CEACAM6: variants seen among roughly 807,000 people sequenced by gnomAD.
CEACAM6 encodes cell adhesion molecule CEACAM6.
Under a neutral mutation model 32.4 loss-of-function variants are expected in CEACAM6, and 21 were observed. That is an observed-to-expected ratio of 0.65 (90% CI 0.46 to 0.93). The LOEUF is 0.93. CEACAM6 is among the 40% of genes least tolerant of loss of function. CEACAM6 has a pLI of 0.00. For missense variants in CEACAM6, 406 were observed against 432.2 expected, an observed-to-expected ratio of 0.94 and a Z score of 0.54; for synonymous variants, 184 against 174.4, an observed-to-expected ratio of 1.06 and a Z score of -0.43.
intron 5 of CEACAM6, among the ~76,000 whole-genome samples, chr19:41,768,307 G>C (rs1035200344): frequency 7.9e-5 from 12 of 152,134 alleles, no homozygotes; most frequent in African/African-American, 2.7e-4. Context: ...GACTCTTAAC[G>C]AGCATGCTGC....
In CEACAM6 at chr19:41,761,298, G is replaced by C. The variant is rs576685461; in HGVS notation, c.474G>C (p.Glu158Asp). 13 of 1,614,196 alleles carry C rather than the reference G, an allele frequency of 8.1e-6. No individual in the cohort carries two copies. In the African/African-American group the frequency reaches 1.5e-4, roughly 18 times the overall value. The part of the protein sequence containing the change: ...SISSNNSNPV[E>D]DKDAVAFTCE... ...CCAGCAACAACTCCAACCCCGTGGA[G>C]GACAAGGATGCTGTGGCCTTCACCT... The change falls in exon 3 of 6, where the codon GAG becomes GAC. Residue 158 changes from glutamate (E) to aspartate (D), a missense_variant. Physicochemically the swap from Glu to Asp is conservative, Grantham distance 45. Transcript: ENST00000199764.
chr19:41,759,614 C>T (rs572637675), intron 2 of CEACAM6, among the ~76,000 whole-genome samples: 4 of 152,104 alleles, frequency 2.6e-5, no homozygotes, highest in Non-Finnish European at 4.4e-5. Context: ...CTTCATTTGA[C>T]GACAATATGA....
chr19:41,759,241 A>G (rs2072908367), intron 2 of CEACAM6, among the ~76,000 whole-genome samples: 2 of 152,204 alleles, frequency 1.3e-5, no homozygotes, highest in Non-Finnish European at 2.9e-5. Flanking sequence ...TGCCATTGTC[A>G]TAAGGTGGGG....
chr19:41,762,703 G>T (rs2072933950), intron 4 of CEACAM6, among the ~76,000 whole-genome samples: 2 of 152,164 alleles, frequency 1.3e-5, no homozygotes, highest in Non-Finnish European at 2.9e-5. Context: ...GAGCAGCTCA[G>T]ACTCTGCCCC....
At chr19:41,762,752 C>T (rs2072934381) in intron 4 of CEACAM6, among the ~76,000 whole-genome samples, 1 of 152,210 alleles carries the variant, frequency 6.6e-6, no homozygotes, top group Non-Finnish European at 1.5e-5. Context: ...TGACTGACCC[C>T]ACCCTGAAGC....
Position 41,755,591 on chromosome 19 carries a change from AG to A in CEACAM6, c.-47del. On this transcript the variant is annotated 5_prime_UTR_variant, in exon 1 of 6. Transcript: ENST00000199764. The stretch of plus-strand genomic sequence containing the variant: ...GCAGCCCTGACCAGAGCATTCCTGG[AG>A]CTCAAGCTCCTCTACAAAGAGGTGG... The A allele has an allele frequency of 6.3e-7, 1 of 1,579,162 alleles. No individual in the cohort carries two copies. Among genetic ancestry groups the A allele is most frequent in the African/African-American group, 1.3e-5 (1 of 74,190 alleles).
At chr19:41,770,568 GA>G (rs1414000430) in intron 5 of CEACAM6, among the ~76,000 whole-genome samples, 7 of 145,770 alleles carry the variant, frequency 4.8e-5, no homozygotes, top group East Asian at 3.9e-4. Context: ...GTCTCAAAAG[GA>G]AAAAAAAAAG....
chr19:41,764,684 A>G (rs2072946866), intron 4 of CEACAM6, among the ~76,000 whole-genome samples: 1 of 152,138 alleles, frequency 6.6e-6, no homozygotes, highest in Non-Finnish European at 1.5e-5. Flanking sequence ...TTGAAGAACC[A>G]ACTTTTGGTT....
rs549029277 is a variant in CEACAM6 at position 41,759,443 on chromosome 19, T to G, written c.425-1806T>G. Among the ~76,000 whole-genome samples, 3 of 152,342 alleles carry G rather than the reference T, an allele frequency of 2.0e-5. No homozygotes were observed. The South Asian group carries it at 6.2e-4, about 32-fold the overall frequency. The stretch of plus-strand genomic sequence containing the variant: ...TAGGGGCAGGGAGCTCTTTCTAAAT[T>G]TACTAACATAACACACGTTGCTTCT... On this transcript the variant is annotated intron_variant, in intron 2 of 5. Coordinates refer to ENST00000199764, the MANE Select transcript of CEACAM6 (RefSeq NM_002483.7).
chr19:41,765,742 G>C (rs1344413856), intron 4 of CEACAM6, among the ~76,000 whole-genome samples: 1 of 152,158 alleles, frequency 6.6e-6, no homozygotes, highest in Non-Finnish European at 1.5e-5. Context: ...TCCCCTGGTG[G>C]GAGCCCATGG....
chr19:41,759,376 CTGTT>C (rs782454587), intron 2 of CEACAM6, among the ~76,000 whole-genome samples: 3 of 152,208 alleles, frequency 2.0e-5, no homozygotes, highest in Non-Finnish European at 4.4e-5. Context: ...TTTCACATGA[CTGTT>C]TGGGGCTCCT....
At chr19:41,765,586 G>A (rs2072951211) in intron 4 of CEACAM6, among the ~76,000 whole-genome samples, 1 of 152,234 alleles carries the variant, frequency 6.6e-6, no homozygotes, top group Admixed American at 6.5e-5. Context: ...CCACGATGCA[G>A]ATCTCATTCC....
chr19:41,757,072 G>C, intron 2 of CEACAM6, 113 bp downstream of exon 2: 1 of 1,504,814 alleles, frequency 6.6e-7, no homozygotes, highest in Non-Finnish European at 8.9e-7. Context: ...TCCTGTATCA[G>C]GGTTTGGACA....
intron 4 of CEACAM6, 98 bp from the exon 5 acceptor site, chr19:41,766,085 A>G (rs1476844748): frequency 3.2e-5 from 24 of 759,706 alleles, no homozygotes; most frequent in Non-Finnish European, 2.9e-5. Context: ...GTATTCCTTG[A>G]AGGAACAAGT....
At chr19:41,767,700 G>A (rs997928936) in intron 5 of CEACAM6, among the ~76,000 whole-genome samples, 1 of 152,112 alleles carries the variant, frequency 6.6e-6, no homozygotes, top group Non-Finnish European at 1.5e-5. Flanking sequence ...TGTTCTAATA[G>A]GTAGGACTTG....
chr19:41,756,886 A>G lies in CEACAM6; in HGVS notation c.351A>G (p.Thr117=). The G allele has an allele frequency of 6.2e-7, 1 of 1,614,184 alleles. No homozygotes were observed. The highest frequency in any genetic ancestry group is 1.3e-5 in the African/African-American group (1 of 75,036). Residue 117 remains threonine, a synonymous_variant, in exon 2 of 6, where the codon ACA becomes ACG. Coordinates refer to ENST00000199764, the MANE Select transcript of CEACAM6 (RefSeq NM_002483.7). The part of the protein sequence containing the change: ...LLIQNVTQND[T]GFYTLQVIKS... ...TCCAGAACGTCACCCAGAATGACAC[A>G]GGATTCTATACCCTACAAGTCATAA... is the stretch of plus-strand genomic sequence containing the variant.
Position 41,761,441 on chromosome 19 carries a change from A to G in CEACAM6, c.617A>G (p.Lys206Arg). 1 of 1,614,232 alleles carries G rather than the reference A, an allele frequency of 6.2e-7. No homozygotes were observed. Among genetic ancestry groups the G allele is most frequent in the Non-Finnish European group, 8.5e-7 (1 of 1,180,044 alleles). ...ATGACCCTCACTCTACTCAGCGTCA[A>G]AAGGAACGATGCAGGATCCTATGAA... ...GNMTLTLLSV[K>R]RNDAGSYECE... The change falls in exon 3 of 6, where the codon AAA (lysine) becomes AGA (arginine). Residue 206 changes from lysine to arginine, a missense_variant. By Grantham distance (26) the Lys-to-Arg change is conservative. Transcript: ENST00000199764.
Position 41,770,400 on chromosome 19 carries a change from G to A in CEACAM6, c.*41-402G>A, listed in dbSNP as rs115273690. 1.4e-3 allele frequency among the ~76,000 whole-genome samples: 208 copies of A among 151,412 alleles called. 1 individual carries two copies. Among genetic ancestry groups the A allele is most frequent in the African/African-American group, 4.9e-3 (200 of 40,888 alleles). On this transcript the variant is annotated intron_variant, in intron 5 of 5. Transcript: ENST00000199764. ...CTCCAGCCTGGGAGTGCATACATAG[G>A]CCTATACTATTCATGTGCGTACATG...
At chr19:41,762,809 G>T (rs2122923181) in intron 4 of CEACAM6, among the ~76,000 whole-genome samples, 1 of 152,298 alleles carries the variant, frequency 6.6e-6, no homozygotes, top group East Asian at 1.9e-4. Flanking sequence ...CCAGGTGTCT[G>T]TCCTGAATCA....
Sources: gnomAD v4.1 joint callset for allele counts (sites outside exome capture counted in the v4.1 genomes callset) on GRCh38, gnomAD v4.1.1 for gene constraint, MANE v1.5 for transcripts, NCBI Gene and HGNC (gene_info 2026-07-23, HGNC 2026-07-21) for gene names.